Variants in ZHX2 observed in about 807,000 individuals in gnomAD.
The protein encoded by ZHX2 is zinc fingers and homeoboxes 2, also known as zinc fingers and homeoboxes protein 2.
Under a neutral mutation model 21.9 loss-of-function variants are expected in ZHX2, and 6 were observed. That is an observed-to-expected ratio of 0.27 (90% CI 0.15 to 0.54). ZHX2 has a LOEUF of 0.54. Among genes scored for constraint, ZHX2 ranks in the 20% least tolerant of loss-of-function variants. ZHX2 has a pLI of 0.95. For synonymous variants in ZHX2, 434 were observed against 437.1 expected (o/e 0.99, Z 0.09); for missense variants, 908 against 1,090.7 (o/e 0.83, Z 2.36).
At chr8:122,918,148 A>G (rs1162957408) in intron 2 of ZHX2, among the ~76,000 whole-genome samples, 1 of 152,224 alleles carries the variant, frequency 6.6e-6, no homozygotes, top group African/African-American at 2.4e-5. Flanking sequence ...TAATCCTCAC[A>G]GTCATGTGAA....
intron 1 of ZHX2, among the ~76,000 whole-genome samples, chr8:122,820,304 G>C (rs1357389161): frequency 6.6e-6 from 1 of 152,188 alleles, no homozygotes; most frequent in Non-Finnish European, 1.5e-5. Context: ...CTTTCTGACT[G>C]GCCAGGCTGC....
At chr8:122,856,667 G>A (rs554240703) in intron 1 of ZHX2, among the ~76,000 whole-genome samples, 36 of 152,284 alleles carry the variant, frequency 2.4e-4, no homozygotes, top group Admixed American at 4.6e-4. Context: ...GGCCTGGCAG[G>A]AGGAGCACAG....
intron 1 of ZHX2, among the ~76,000 whole-genome samples, chr8:122,829,478 C>G (rs1330308738): frequency 6.6e-6 from 1 of 152,134 alleles, no homozygotes; most frequent in Non-Finnish European, 1.5e-5. Context: ...CTTATATTCT[C>G]TTTATAATGA....
chr8:122,923,447 G>T (rs755625468), intron 2 of ZHX2, among the ~76,000 whole-genome samples: 56 of 152,296 alleles, frequency 3.7e-4, no homozygotes, highest in Non-Finnish European at 5.9e-4. Context: ...TTAAACTGTC[G>T]TAGGTTCTTA....
intron 2 of ZHX2, among the ~76,000 whole-genome samples, chr8:122,945,459 A>AAAAAAAAAAAAAAAAAAAAAAT (rs1388445094): frequency 7.3e-6 from 1 of 136,554 alleles, no homozygotes; most frequent in African/African-American, 2.8e-5. Context: ...AAAAAAAAAA[A>AAAAAAAAAAAAAAAAAAAAAAT]AAAAGGCATG....
Position 122,953,320 on chromosome 8 carries a change from G to C in ZHX2, c.1810G>C (p.Val604Leu). The change falls in exon 3 of 4, where the codon GTG (valine) becomes CTG (leucine). Residue 604 changes from valine (V) to leucine (L), a missense_variant. Val to Leu is a conservative substitution (Grantham distance 32). This residue lies in a region of ZHX2 where 431 missense variants were observed against 428.6 expected (regional missense o/e 1.01). Coordinates refer to ENST00000314393, the MANE Select transcript of ZHX2 (RefSeq NM_014943.5). This position sits in a 1 kb window ranked among gnomAD's most constrained non-coding sequence, Gnocchi z 4.6. Reference sequence around the variant, plus strand: ...GGGGTCTGGCAAAAAAGGCCAAGATGTGGGAGCCCCCAATGGTGCTCTGTC... The same window carrying C: ...GGGGTCTGGCAAAAAAGGCCAAGATCTGGGAGCCCCCAATGGTGCTCTGTC... ...SMGSGKKGQDVGAPNGALSRL... is the reference protein window; with the variant it reads ...SMGSGKKGQDLGAPNGALSRL... The C allele has an allele frequency of 1.9e-6, 3 of 1,614,124 alleles. No individual in the cohort carries two copies. The highest frequency in any genetic ancestry group is 2.5e-6 in the Non-Finnish European group (3 of 1,180,032).
At chr8:122,882,724 G>A (rs1274603532) in intron 2 of ZHX2, among the ~76,000 whole-genome samples, 4 of 152,184 alleles carry the variant, frequency 2.6e-5, no homozygotes, top group African/African-American at 9.7e-5. Flanking sequence ...GCTCATGCCT[G>A]TAATCCCAAC....
chr8:122,802,570 G>A lies in ZHX2; in HGVS notation c.-283+20624G>A, dbSNP rs142214246. The stretch of plus-strand genomic sequence containing the variant: ...ATTGCCCCCACAGAACTGTCATGAC[G>A]TTTCCGTGGAAAGCCCGCATGGTGT... On this transcript the variant is annotated intron_variant, in intron 1 of 3. Transcript: ENST00000314393. 2.5e-3 allele frequency among the ~76,000 whole-genome samples: 384 copies of A among 152,252 alleles called. 4 individuals are homozygous for A. Among genetic ancestry groups the A allele is most frequent in the African/African-American group, 7.4e-3 (307 of 41,528 alleles).
In ZHX2 at chr8:122,952,671, C is replaced by T. The variant is rs530836451; in HGVS notation, c.1161C>T (p.Thr387=). ...VLTQVTSGST[T]VSCSPITLAV... ...CTCAGGTGACCAGCGGGTCAACAAC[C>T]GTCTCTTGCTCCCCCATCACACTTG... The change falls in exon 3 of 4, where the codon ACC becomes ACT. Residue 387 remains threonine, a synonymous_variant. Transcript: ENST00000314393. This position sits in a 1 kb window ranked among gnomAD's most constrained non-coding sequence, Gnocchi z 6.9. 10 of 1,614,162 alleles carry T rather than the reference C, an allele frequency of 6.2e-6. No homozygotes were observed. The highest frequency in any genetic ancestry group is 4.4e-5 in the South Asian group (4 of 91,078).
At chr8:122,882,314 C>CACAGAGAG (rs1554630716) in intron 2 of ZHX2, among the ~76,000 whole-genome samples, 1 of 148,176 alleles carries the variant, frequency 6.7e-6, no homozygotes, top group African/African-American at 2.5e-5. Flanking sequence ...CACACACACA[C>CACAGAGAG]AGAGAGAGAG....
At chr8:122,799,781 A>G (rs1342667435) in intron 1 of ZHX2, among the ~76,000 whole-genome samples, 1 of 152,240 alleles carries the variant, frequency 6.6e-6, no homozygotes, top group East Asian at 1.9e-4. Context: ...AGTCCTGTCC[A>G]CCTGACTCTC....
chr8:122,854,942 C>T (rs545176969), intron 1 of ZHX2, among the ~76,000 whole-genome samples: 2 of 152,342 alleles, frequency 1.3e-5, no homozygotes, highest in African/African-American at 4.8e-5. Context: ...CTCCATTTTC[C>T]GATGTCTACC....
Position 122,800,421 on chromosome 8 carries a change from C to T in ZHX2, c.-283+18475C>T, listed in dbSNP as rs149573696. Among the ~76,000 whole-genome samples, 388 of 152,290 alleles carry T rather than the reference C, an allele frequency of 2.5e-3. 1 individual carries two copies. Among genetic ancestry groups the T allele is most frequent in the African/African-American group, 8.5e-3 (354 of 41,562 alleles). ...AGGAAGCTGGTGCGGTGCCTGCAAACCCTGGCTTCTGCAAAGACTGGAAGG... is the reference window on the plus strand; with the variant it reads ...AGGAAGCTGGTGCGGTGCCTGCAAATCCTGGCTTCTGCAAAGACTGGAAGG... On this transcript the variant is annotated intron_variant, in intron 1 of 3. Coordinates refer to ENST00000314393, the MANE Select transcript of ZHX2 (RefSeq NM_014943.5).
chr8:122,870,638 CAAAAAAAAAAAAAAAAAAA>C (rs59071295), intron 2 of ZHX2, among the ~76,000 whole-genome samples: 1 of 63,916 alleles, frequency 1.6e-5, no homozygotes, highest in African/African-American at 6.2e-5. Context: ...GTCTCTGTCT[CAAAAAAAAAAAAAAAAAAA>C]AAAAAAAAAG....
At chr8:122,831,191 TAGC>T (rs1235264553) in intron 1 of ZHX2, among the ~76,000 whole-genome samples, 7 of 152,218 alleles carry the variant, frequency 4.6e-5, no homozygotes, top group African/African-American at 1.7e-4. Flanking sequence ...GACTAGAAGA[TAGC>T]AGAGCCGTTT....
intron 1 of ZHX2, among the ~76,000 whole-genome samples, chr8:122,836,202 C>T (rs1818491750): frequency 6.6e-6 from 1 of 152,214 alleles, no homozygotes; most frequent in Admixed American, 6.5e-5. Flanking sequence ...CTGACACACA[C>T]CGGAACCTTC....
At chr8:122,864,187 G>A (rs1020952259) in intron 2 of ZHX2, among the ~76,000 whole-genome samples, 16 of 149,548 alleles carry the variant, frequency 1.1e-4, no homozygotes, top group Non-Finnish European at 2.2e-4. Context: ...GTTCCCTGGT[G>A]ATCTAGAATG....
chr8:122,887,144 AGT>A (rs761831394), intron 2 of ZHX2, among the ~76,000 whole-genome samples: 20 of 149,004 alleles, frequency 1.3e-4, no homozygotes, highest in Non-Finnish European at 2.5e-4. Flanking sequence ...CATGAGTGGG[AGT>A]GTGGGGATGT....
At chr8:122,834,626 C>G (rs1184643087) in intron 1 of ZHX2, among the ~76,000 whole-genome samples, 1 of 152,160 alleles carries the variant, frequency 6.6e-6, no homozygotes, top group Non-Finnish European at 1.5e-5. Context: ...TAGAAGGTCT[C>G]ATTGTGGGGT....
Sources: allele counts gnomAD v4.1 joint callset (sites outside exome capture counted in the v4.1 genomes callset), GRCh38; gene constraint gnomAD v4.1.1; regional missense constraint gnomAD v4.1.1; non-coding constraint Gnocchi (gnomAD v3.1); transcripts MANE v1.5; gene names NCBI Gene and HGNC (gene_info 2026-07-23, HGNC 2026-07-21).